Variants in ULK2 observed in about 807,000 individuals in gnomAD.
The protein encoded by ULK2 is serine/threonine-protein kinase ULK2.
ULK2 carries 76 observed loss-of-function variants against 127.5 expected under a neutral mutation model. That is an observed-to-expected ratio of 0.60 (90% CI 0.50 to 0.72). The LOEUF is 0.72. Ranked by LOEUF, ULK2 falls within the 30% of genes least tolerant of loss-of-function variation. The pLI, the probability that ULK2 is intolerant of heterozygous loss-of-function variation, is 0.00. For synonymous variants in ULK2, 452 were observed against 461.9 expected (o/e 0.98, Z 0.28); for missense variants, 1,144 against 1,295.9 (o/e 0.88, Z 1.80).
At chr17:19,790,607 G>C (rs1422294071) in intron 20 of ULK2, among the ~76,000 whole-genome samples, 2 of 151,694 alleles carry the variant, frequency 1.3e-5, no homozygotes, top group Admixed American at 1.3e-4. Flanking sequence ...GGAAAAAGAA[G>C]ACCAGAAAAC....
At chr17:19,802,476 A>G (rs1189898494) in intron 15 of ULK2, among the ~76,000 whole-genome samples, 2 of 152,230 alleles carry the variant, frequency 1.3e-5, no homozygotes, top group African/African-American at 4.8e-5. Context: ...AACAAAATAA[A>G]TTAGTAAGAA....
At position 19,826,203 on chromosome 17, in the gene ULK2, G is replaced by GA. The variant is rs768318521; in HGVS notation, c.788-18dup. On this transcript the variant is annotated splice_polypyrimidine_tract_variant and intron_variant, in intron 10 of 26. Coordinates refer to ENST00000395544, the MANE Select transcript of ULK2 (RefSeq NM_014683.4). ...AAAATGCTTCTGTAACAAGAAATGA[G>GA]AATGCAACCTTTAAAGAGACATTGA... is the stretch of plus-strand genomic sequence containing the variant. 7.8e-6 allele frequency: 11 copies of GA among 1,414,322 alleles called. No individual in the cohort carries two copies. The highest frequency in any genetic ancestry group is 1.0e-5 in the Non-Finnish European group (11 of 1,058,790). 87.6% of individuals were successfully genotyped at this position (1,414,322 alleles called of 1,614,324 possible). A position where few individuals can be genotyped will look rare whatever the true frequency, so the allele number is the denominator to read the frequency against.
chr17:19,788,398 G>A (rs540142041), intron 20 of ULK2, among the ~76,000 whole-genome samples: 14 of 151,832 alleles, frequency 9.2e-5, no homozygotes, highest in Non-Finnish European at 1.8e-4. Flanking sequence ...GACGAGCCCC[G>A]GGCAGAGTCG....
chr17:19,779,679 T>A (rs9905570), intron 25 of ULK2, among the ~76,000 whole-genome samples: 5,429 of 152,104 alleles, frequency 0.036, 260 homozygotes, highest in African/African-American at 0.11. Flanking sequence ...TTATTTCCAA[T>A]ATTAAAACCA....
intron 10 of ULK2, among the ~76,000 whole-genome samples, chr17:19,829,725 A>G (rs1301212112): frequency 1.3e-5 from 2 of 151,424 alleles, no homozygotes; most frequent in Non-Finnish European, 2.9e-5. Context: ...AGTCCCAGCT[A>G]CTTGGGAGGC....
chr17:19,789,212 C>T (rs2087100219), intron 20 of ULK2, among the ~76,000 whole-genome samples: 2 of 151,582 alleles, frequency 1.3e-5, no homozygotes, highest in Non-Finnish European at 2.9e-5. Flanking sequence ...CATCACCCCA[C>T]CCCCACCTCC....
intron 18 of ULK2, 83 bp downstream of exon 18, chr17:19,797,313 A>T (rs1319523641): frequency 4.3e-6 from 6 of 1,400,398 alleles, no homozygotes; most frequent in East Asian, 2.5e-5. Context: ...TAAAATAAAA[A>T]AATTATAGCT....
intron 10 of ULK2, among the ~76,000 whole-genome samples, chr17:19,831,690 G>A (rs1484905699): frequency 1.3e-5 from 2 of 151,538 alleles, no homozygotes; most frequent in Admixed American, 6.6e-5. Flanking sequence ...AGCCGGGCGT[G>A]GTGGTGGGCA....
At chr17:19,830,448 T>C (rs2152394052) in intron 10 of ULK2, among the ~76,000 whole-genome samples, 1 of 152,142 alleles carries the variant, frequency 6.6e-6, no homozygotes, top group Non-Finnish European at 1.5e-5. Flanking sequence ...GCAGTCTTCC[T>C]TCCTCAGCCT....
At chr17:19,821,567 A>G (rs188644412) in intron 12 of ULK2, among the ~76,000 whole-genome samples, 193 of 152,332 alleles carry the variant, frequency 1.3e-3, no homozygotes, top group Non-Finnish European at 1.6e-3. Flanking sequence ...AAGAAGGGGA[A>G]GCATGTATGA....
chr17:19,847,023 G>T, intron 5 of ULK2, 113 bp from the exon 6 acceptor site: 1 of 959,312 alleles, frequency 1.0e-6, no homozygotes, highest in Non-Finnish European at 1.5e-6. Flanking sequence ...TGAGGAATTT[G>T]GATTCACATT....
intron 3 of ULK2, among the ~76,000 whole-genome samples, chr17:19,858,975 AAAAG>A (rs1271503641): frequency 3.9e-5 from 6 of 152,084 alleles, no homozygotes; most frequent in Non-Finnish European, 8.8e-5. Context: ...GTCTCAAAAA[AAAAG>A]AAAGAAAGAA....
chr17:19,809,273 G>A (rs774968978), intron 14 of ULK2, among the ~76,000 whole-genome samples: 9 of 152,164 alleles, frequency 5.9e-5, no homozygotes, highest in Non-Finnish European at 1.2e-4. Context: ...GGGCCTTGAG[G>A]GGAAGGGGAA....
At chr17:19,837,137 G>T (rs1252599515) in intron 10 of ULK2, among the ~76,000 whole-genome samples, 2 of 151,718 alleles carry the variant, frequency 1.3e-5, no homozygotes, top group African/African-American at 2.4e-5. Context: ...AATAAATATT[G>T]CTTGGCACTG....
chr17:19,853,102 T>C (rs1363661474), intron 3 of ULK2, among the ~76,000 whole-genome samples: 1 of 151,852 alleles, frequency 6.6e-6, no homozygotes, highest in Non-Finnish European at 1.5e-5. Flanking sequence ...CTGGTTTCTT[T>C]TTTATTTTAA....
At chr17:19,777,860 C>CA (rs2086841107) in intron 25 of ULK2, 144 bp from the exon 26 acceptor site, 1 of 1,081,326 alleles carries the variant, frequency 9.2e-7, no homozygotes, top group Non-Finnish European at 1.3e-6. Flanking sequence ...ACATAAAACT[C>CA]AAAGATTCTT....
intron 12 of ULK2, among the ~76,000 whole-genome samples, chr17:19,823,166 A>G (rs2041204032): frequency 8.4e-6 from 1 of 119,050 alleles, no homozygotes; most frequent in African/African-American, 3.4e-5. Flanking sequence ...GGTGGTCTTG[A>G]TATGTTGCCC....
At chr17:19,788,802 G>A (rs1222282542) in intron 20 of ULK2, among the ~76,000 whole-genome samples, 4 of 152,178 alleles carry the variant, frequency 2.6e-5, no homozygotes, top group Non-Finnish European at 5.9e-5. Context: ...TGGCCTGGCA[G>A]AACTCCTTGT....
At chr17:19,811,110 T>G (rs1477301630) in intron 13 of ULK2, 1 of 151,604 alleles carries the variant, frequency 6.6e-6, no homozygotes, top group Admixed American at 6.6e-5. Flanking sequence ...CATAATAATG[T>G]CAGGTAGCAA....
Sources: allele counts gnomAD v4.1 joint callset (sites outside exome capture counted in the v4.1 genomes callset), GRCh38; gene constraint gnomAD v4.1.1; transcripts MANE v1.5; gene names NCBI Gene and HGNC (gene_info 2026-07-23, HGNC 2026-07-21).